ZC3H12B: variants seen among roughly 807,000 people sequenced by gnomAD.
ZC3H12B encodes probable ribonuclease ZC3H12B.
A neutral mutation model predicts 43.9 loss-of-function variants in ZC3H12B; 7 were observed. The observed-to-expected ratio is 0.16, with a 90% CI of 0.09 to 0.30. The LOEUF is 0.30. Ranked by LOEUF, ZC3H12B falls within the 10% of genes least tolerant of loss-of-function variation. The pLI is 1.00. For missense variants in ZC3H12B, 475 were observed against 670.2 expected (o/e 0.71, Z 3.22); for synonymous variants, 222 against 241.7 (o/e 0.92, Z 0.76).
the ZC3H12B span, among the ~76,000 whole-genome samples, chrX:65,206,614 T>A: frequency 0.037 from 4,012 of 108,309 alleles, 92 homozygotes; most frequent in Middle Eastern, 0.1. Context: ...AAAGACTTCA[T>A]GACCAAGAAC....
At chrX:65,288,286 T>C in the ZC3H12B span, among the ~76,000 whole-genome samples, 1 of 110,967 alleles carries the variant, frequency 9.0e-6, no homozygotes, top group Admixed American at 9.7e-5. Flanking sequence ...GAGAAGGGAA[T>C]TCTCCATAAC....
At chrX:65,503,180 A>G in exon 5 of ZC3H12B, 1 of 1,209,152 alleles carries the variant, frequency 8.3e-7, no homozygotes, top group Non-Finnish European at 1.1e-6. Context: ...GGCAGCCTTG[A>G]TTGTTGCTAA....
the ZC3H12B span, among the ~76,000 whole-genome samples, chrX:65,066,047 T>A: frequency 9.2e-6 from 1 of 108,992 alleles, no homozygotes; most frequent in Non-Finnish European, 1.9e-5. Context: ...TCCTGTAACC[T>A]TTTTTCAAGG....
the ZC3H12B span, among the ~76,000 whole-genome samples, chrX:65,084,426 C>T: frequency 9.0e-6 from 1 of 111,551 alleles, no homozygotes; most frequent in Non-Finnish European, 1.9e-5. Flanking sequence ...ATATAATAAT[C>T]TGATCAAAAA....
chrX:65,228,515 T>C, the ZC3H12B span, among the ~76,000 whole-genome samples: 2 of 110,755 alleles, frequency 1.8e-5, no homozygotes, highest in African/African-American at 6.6e-5. Flanking sequence ...TTCAACATAG[T>C]GTTGGAAGTT....
At chrX:65,202,160 T>C in the ZC3H12B span, among the ~76,000 whole-genome samples, 155 of 98,213 alleles carry the variant, frequency 1.6e-3, no homozygotes, top group Non-Finnish European at 2.8e-3. Context: ...ATATATATTA[T>C]ATATAATATA....
At chrX:65,424,659 G>A (rs183777558) in intron 3 of ZC3H12B, among the ~76,000 whole-genome samples, 11 of 111,941 alleles carry the variant, frequency 9.8e-5, no homozygotes, top group Non-Finnish European at 3.8e-5. Flanking sequence ...TGTAAGGAGA[G>A]GGTCCTGTTT....
the ZC3H12B span, among the ~76,000 whole-genome samples, chrX:65,164,790 C>T: frequency 1.8e-5 from 2 of 111,883 alleles, no homozygotes; most frequent in African/African-American, 3.2e-5. Context: ...AAAAGAGGTA[C>T]TGGCAATTTC....
At chrX:65,117,582 A>T in the ZC3H12B span, among the ~76,000 whole-genome samples, 3 of 111,495 alleles carry the variant, frequency 2.7e-5, no homozygotes, top group African/African-American at 9.8e-5. Flanking sequence ...CCCATGTGTC[A>T]ATTTTGTCTT....
the ZC3H12B span, among the ~76,000 whole-genome samples, chrX:65,335,998 G>T: frequency 2.7e-5 from 3 of 111,632 alleles, no homozygotes; most frequent in African/African-American, 6.5e-5. Context: ...TGACCAGTTT[G>T]CTAGGCCATC....
At chrX:65,439,895 C>T (rs2067279399) in intron 3 of ZC3H12B, among the ~76,000 whole-genome samples, 1 of 109,868 alleles carries the variant, frequency 9.1e-6, no homozygotes, top group African/African-American at 3.3e-5. Flanking sequence ...TCCGGAGTCT[C>T]TTCCTTGGCA....
At chrX:65,441,750 G>A (rs181009039) in intron 3 of ZC3H12B, among the ~76,000 whole-genome samples, 5 of 111,335 alleles carry the variant, frequency 4.5e-5, no homozygotes, top group African/African-American at 9.8e-5. Flanking sequence ...CCTTTTGCAG[G>A]GGTTCCCCAG....
chrX:65,106,512 G>T, the ZC3H12B span, among the ~76,000 whole-genome samples: 1 of 111,389 alleles, frequency 9.0e-6, no homozygotes, highest in Non-Finnish European at 1.9e-5. Flanking sequence ...TGTGTAGGAG[G>T]TATTATAGTT....
chrX:65,194,057 G>A, the ZC3H12B span, among the ~76,000 whole-genome samples: 2 of 109,363 alleles, frequency 1.8e-5, no homozygotes, highest in Admixed American at 9.8e-5. Flanking sequence ...TATCACGAGA[G>A]CAGTGGCACG....
the ZC3H12B span, among the ~76,000 whole-genome samples, chrX:65,223,650 T>C: frequency 8.9e-6 from 1 of 111,968 alleles, no homozygotes; most frequent in Non-Finnish European, 1.9e-5. Flanking sequence ...TATCAAAAAG[T>C]GGGCTAAAGA....
chrX:65,196,160 C>T, the ZC3H12B span, among the ~76,000 whole-genome samples: 1 of 95,008 alleles, frequency 1.1e-5, no homozygotes, highest in Non-Finnish European at 2.1e-5. Context: ...TCGAAAGGTG[C>T]GCTGCCTCAG....
At chrX:65,392,513 G>C (rs953716106) in intron 2 of ZC3H12B, among the ~76,000 whole-genome samples, 2 of 112,343 alleles carry the variant, frequency 1.8e-5, no homozygotes, top group Non-Finnish European at 3.8e-5. Context: ...TGGGAGGTGA[G>C]GGGCGCCCCC....
At chrX:65,085,732 A>T in the ZC3H12B span, among the ~76,000 whole-genome samples, 1 of 109,929 alleles carries the variant, frequency 9.1e-6, no homozygotes, top group East Asian at 2.8e-4. Context: ...TGATTGTGCC[A>T]TTTCACTTCA....
chrX:65,120,892 C>T, the ZC3H12B span, among the ~76,000 whole-genome samples: 2 of 111,506 alleles, frequency 1.8e-5, no homozygotes, highest in Non-Finnish European at 3.8e-5. Flanking sequence ...GCCTTTTCTA[C>T]ATTTATTGAG....
Sources: gnomAD v4.1 joint callset for allele counts (sites outside exome capture counted in the v4.1 genomes callset) on GRCh38, gnomAD v4.1.1 for gene constraint, MANE v1.5 for transcripts, NCBI Gene and HGNC (gene_info 2026-07-23, HGNC 2026-07-21) for gene names.